The following TRPC1 variants were observed in gnomAD, a reference collection of about 807,000 sequenced individuals.
The protein encoded by TRPC1 is short transient receptor potential channel 1.
A neutral mutation model predicts 88.2 loss-of-function variants in TRPC1; 42 were observed. That is an observed-to-expected ratio of 0.48 (90% CI 0.37 to 0.62). TRPC1 has a LOEUF of 0.62. TRPC1 is among the 20% of genes least tolerant of loss of function. The probability of loss-of-function intolerance (pLI) is 0.00; values close to 1 mark genes in which losing one functional copy is unlikely to be tolerated. For synonymous variants in TRPC1, 288 were observed against 331.8 expected (o/e 0.87, Z 1.43); for missense variants, 699 against 957.3 (o/e 0.73, Z 3.56).
chr3:142,799,576 C>T lies in TRPC1; in HGVS notation c.1582-2593C>T, dbSNP rs900436684. ...ATTGCAGCACTTTGGGAGGCTAAGG[C>T]GGGAGGATAGCTTGAGGCCAGGAGT... On this transcript the variant is annotated intron_variant, in intron 9 of 12. Transcript: ENST00000476941. Among the ~76,000 whole-genome samples the T allele has an allele frequency of 3.9e-5, 6 of 152,056 alleles. No individual in the cohort carries two copies. In the East Asian group the frequency reaches 5.8e-4, roughly 15 times the overall value.
At chr3:142,751,805 A>C (rs1459614006) in intron 4 of TRPC1, among the ~76,000 whole-genome samples, 1 of 152,226 alleles carries the variant, frequency 6.6e-6, no homozygotes, top group East Asian at 1.9e-4. Flanking sequence ...ACAGATCTCT[A>C]ATTTGGGAAA....
rs753346411 is a variant in TRPC1, at chr3:142,724,543, C to G, written c.-17C>G. 6.4e-7 allele frequency: 1 copy of G among 1,552,038 alleles called. No individual in the cohort carries two copies. Among genetic ancestry groups the G allele is most frequent in the Non-Finnish European group, 8.7e-7 (1 of 1,151,016 alleles). On this transcript the variant is annotated 5_prime_UTR_variant, in exon 1 of 13. Transcript: ENST00000476941. The surrounding 1 kb of genome is among the most constrained non-coding windows in gnomAD (Gnocchi z 5.6). ...GCCCCGCCCCCGTCTCCTGGCCTGC[C>G]CCCTTCATGGGCCGCGATGATGGCG...
chr3:142,734,950 A>G (rs1560091981), intron 1 of TRPC1, among the ~76,000 whole-genome samples: 1 of 152,194 alleles, frequency 6.6e-6, no homozygotes, highest in Non-Finnish European at 1.5e-5. Flanking sequence ...TTTAAATGTC[A>G]CTTTCCAGTA....
At chr3:142,750,195 G>A (rs1456481625) in intron 4 of TRPC1, among the ~76,000 whole-genome samples, 1 of 151,650 alleles carries the variant, frequency 6.6e-6, no homozygotes, top group Non-Finnish European at 1.5e-5. Flanking sequence ...CTAATATCCA[G>A]AATCTACAAG....
chr3:142,727,408 G>GC (rs753066746), intron 1 of TRPC1, among the ~76,000 whole-genome samples: 2 of 152,182 alleles, frequency 1.3e-5, no homozygotes, highest in Non-Finnish European at 2.9e-5. Context: ...TGGATGGGTG[G>GC]CCCTTTGAAA....
intron 4 of TRPC1, among the ~76,000 whole-genome samples, chr3:142,761,894 G>A (rs1259348879): frequency 6.6e-6 from 1 of 151,868 alleles, no homozygotes; most frequent in Non-Finnish European, 1.5e-5. Context: ...ATGATTCTTT[G>A]TATTTCTAAG....
intron 1 of TRPC1, among the ~76,000 whole-genome samples, chr3:142,727,034 CCTA>C (rs1456966407): frequency 2.0e-5 from 3 of 152,184 alleles, no homozygotes; most frequent in African/African-American, 7.2e-5. Context: ...AGCCTGCACT[CCTA>C]ACCACTACGT....
intron 4 of TRPC1, among the ~76,000 whole-genome samples, chr3:142,748,697 C>A (rs1175343816): frequency 6.6e-6 from 1 of 152,166 alleles, no homozygotes; most frequent in Non-Finnish European, 1.5e-5. Flanking sequence ...ATCTCATACT[C>A]CTGCTGGCAG....
intron 3 of TRPC1, among the ~76,000 whole-genome samples, chr3:142,746,358 G>A (rs1934556046): frequency 6.6e-6 from 1 of 151,968 alleles, no homozygotes. Context: ...ATACAGTTAA[G>A]TATGTTTCAT....
At position 142,784,816 on chromosome 3, in the gene TRPC1, G is replaced by A. The variant is rs1176850172; in HGVS notation, c.1073G>A (p.Gly358Asp). The change falls in exon 7 of 13, where the codon GGC becomes GAC. Residue 358 changes from glycine (G) to aspartate (D), a missense_variant. Physicochemically the swap from Gly to Asp is moderately conservative, Grantham distance 94. Around this residue, in one of 4 missense-constraint regions of TRPC1, gnomAD observed 426 missense variants for 641.3 expected, o/e 0.66. Transcript: ENST00000476941. ...CKKIMTVLTVGIFWPVLSLCY... is the reference protein window; with the variant it reads ...CKKIMTVLTVDIFWPVLSLCY... Reference sequence around the variant, plus strand: ...AAGATAATGACTGTTTTGACAGTAGGCATCTTTTGGCCAGTTTTGTCACTT... The same window carrying A: ...AAGATAATGACTGTTTTGACAGTAGACATCTTTTGGCCAGTTTTGTCACTT... 1 of 1,614,142 alleles carries A rather than the reference G, an allele frequency of 6.2e-7. No homozygotes were observed. Among genetic ancestry groups the A allele is most frequent in the Admixed American group, 1.7e-5 (1 of 60,030 alleles).
chr3:142,768,599 C>T (rs144572383), intron 4 of TRPC1, among the ~76,000 whole-genome samples: 1 of 152,060 alleles, frequency 6.6e-6, no homozygotes, highest in Non-Finnish European at 1.5e-5. Flanking sequence ...TTTGGTATGA[C>T]AGATTTATGT....
At chr3:142,802,146 C>G (rs745576384) in intron 9 of TRPC1, 23 bp from the exon 10 acceptor site, 4 of 1,430,342 alleles carry the variant, frequency 2.8e-6, no homozygotes, top group Non-Finnish European at 3.7e-6. Context: ...TCTTAATGAA[C>G]ACCTGTGTAA....
Position 142,736,293 on chromosome 3 carries a change from T to C in TRPC1, c.173-86T>C, listed in dbSNP as rs1029364963. ...AAATGAGTTTAGGCTTTTAATCTTT[T>C]AATTCAACAAGCTAAGTTTTTCTTT... On this transcript the variant is annotated intron_variant, in intron 1 of 12. Transcript: ENST00000476941. 7 of 1,059,916 alleles carry C rather than the reference T, an allele frequency of 6.6e-6. No individual in the cohort carries two copies. In the African/African-American group the frequency reaches 1.1e-4, roughly 17 times the overall value. 65.7% of individuals were successfully genotyped at this position (1,059,916 alleles called of 1,614,324 possible).
Position 142,766,321 on chromosome 3 carries a change from G to A in TRPC1, c.633-11311G>A, listed in dbSNP as rs538477481. ...AATCTGGGTGGGCACAATCTAATAA[G>A]CTGCCAGTGTGGCTAGAATATAAGC... is the stretch of plus-strand genomic sequence containing the variant. On this transcript the variant is annotated intron_variant, in intron 4 of 12. Transcript: ENST00000476941. Among the ~76,000 whole-genome samples, 249 of 152,044 alleles carry A rather than the reference G, an allele frequency of 1.6e-3. 1 individual carries two copies. Among genetic ancestry groups the A allele is most frequent in the African/African-American group, 5.7e-3 (235 of 41,480 alleles).
rs949128197 is a variant in TRPC1 at position 142,792,502 on chromosome 3, G to C, written c.1438-322G>C. Among the ~76,000 whole-genome samples, 1 of 151,916 alleles carries C rather than the reference G, an allele frequency of 6.6e-6. No homozygotes were observed. Among genetic ancestry groups the C allele is most frequent in the Non-Finnish European group, 1.5e-5 (1 of 67,910 alleles). On this transcript the variant is annotated intron_variant, in intron 8 of 12. Coordinates refer to ENST00000476941, the MANE Select transcript of TRPC1 (RefSeq NM_001251845.2). The surrounding 1 kb of genome is among the most constrained non-coding windows in gnomAD (Gnocchi z 4.0). ...TTGACAGCACATGTACTTAACGTTT[G>C]TGTTGTGGAATTTAAGAAAACTAGC...
chr3:142,799,566 G>A (rs767333336), intron 9 of TRPC1, among the ~76,000 whole-genome samples: 18 of 152,086 alleles, frequency 1.2e-4, no homozygotes, highest in Non-Finnish European at 2.5e-4. Context: ...AGCACTTTGG[G>A]AGGCTAAGGC....
intron 4 of TRPC1, among the ~76,000 whole-genome samples, chr3:142,752,493 TG>T (rs1192917717): frequency 6.6e-6 from 1 of 152,230 alleles, no homozygotes; most frequent in Non-Finnish European, 1.5e-5. Context: ...ATCTCAGAGT[TG>T]AACAAATGTA....
intron 2 of TRPC1, among the ~76,000 whole-genome samples, chr3:142,738,843 A>G (rs1413066396): frequency 1.3e-5 from 2 of 152,242 alleles, no homozygotes; most frequent in East Asian, 1.9e-4. Context: ...AATATTAATA[A>G]TTGCTAACAT....
intron 4 of TRPC1, among the ~76,000 whole-genome samples, chr3:142,751,575 G>A (rs1271872291): frequency 6.6e-6 from 1 of 152,120 alleles, no homozygotes; most frequent in Non-Finnish European, 1.5e-5. Flanking sequence ...GCATGACTGT[G>A]TGTGTGTATG....
Sources: allele counts gnomAD v4.1 joint callset (sites outside exome capture counted in the v4.1 genomes callset), GRCh38; gene constraint gnomAD v4.1.1; regional missense constraint gnomAD v4.1.1; non-coding constraint Gnocchi (gnomAD v3.1); transcripts MANE v1.5; gene names NCBI Gene and HGNC (gene_info 2026-07-23, HGNC 2026-07-21).